CEP128: variants seen among roughly 807,000 people sequenced by gnomAD.
CEP128 encodes the protein centrosomal protein 128kDa.
In CEP128, 132 loss-of-function variants were observed where a neutral mutation model predicts 156.7. The observed-to-expected ratio is 0.84, with a 90% CI of 0.73 to 0.97. CEP128 has a LOEUF of 0.97. CEP128 is among the 50% of genes least tolerant of loss of function. The probability of loss-of-function intolerance (pLI) is 0.00; values close to 1 mark genes in which losing one functional copy is unlikely to be tolerated. For synonymous variants in CEP128, 469 were observed against 448.9 expected (o/e 1.04, Z -0.57); for missense variants, 1,252 against 1,281.9 (o/e 0.98, Z 0.36).
intron 19 of CEP128, among the ~76,000 whole-genome samples, chr14:80,689,290 CAAAAAAAAAAAAAAA>C (rs57054840): frequency 7.2e-5 from 7 of 96,646 alleles, no homozygotes; most frequent in South Asian, 4.1e-4. Flanking sequence ...GACTCCGTCT[CAAAAAAAAAAAAAAA>C]AAAAAAAAAG....
At chr14:80,584,081 A>G (rs1891702459) in intron 19 of CEP128, among the ~76,000 whole-genome samples, 3 of 150,358 alleles carry the variant, frequency 2.0e-5, no homozygotes, top group Admixed American at 1.3e-4. Context: ...AATAAAATAC[A>G]CACTTGTCTG....
At chr14:80,864,257 G>A (rs529348553) in intron 8 of CEP128, among the ~76,000 whole-genome samples, 76 of 152,288 alleles carry the variant, frequency 5.0e-4, no homozygotes, top group Non-Finnish European at 1.0e-3. Flanking sequence ...TATTAGTAGT[G>A]AAGTTCTGGG....
At chr14:80,833,053 G>T (rs145915983) in intron 12 of CEP128, among the ~76,000 whole-genome samples, 2 of 152,240 alleles carry the variant, frequency 1.3e-5, no homozygotes, top group African/African-American at 4.8e-5. Flanking sequence ...ACAGGTGGCA[G>T]TCTGGATTTG....
At chr14:80,713,510 C>T (rs555277577) in intron 19 of CEP128, among the ~76,000 whole-genome samples, 1 of 151,992 alleles carries the variant, frequency 6.6e-6, no homozygotes, top group African/African-American at 2.4e-5. Flanking sequence ...AGTTCCCTGA[C>T]CCATCCAAGC....
chr14:80,904,222 T>TA (rs1883748652), intron 6 of CEP128, among the ~76,000 whole-genome samples: 1 of 152,066 alleles, frequency 6.6e-6, no homozygotes, highest in Admixed American at 6.5e-5. Context: ...TTATGTTAAG[T>TA]AAAAAAGGCC....
intron 8 of CEP128, among the ~76,000 whole-genome samples, chr14:80,893,202 T>A (rs755998314): frequency 3.7e-4 from 56 of 152,018 alleles, no homozygotes; most frequent in Non-Finnish European, 1.6e-4. Context: ...GAGGACATTA[T>A]GCTAAGTGAA....
chr14:80,956,005 T>C (rs1886657556), intron 2 of CEP128: 1 of 885,086 alleles, frequency 1.1e-6, no homozygotes, highest in South Asian at 1.5e-5. Flanking sequence ...TGTGTGTGTG[T>C]GCTAAAAACT....
At chr14:80,815,857 T>G (rs1355789890) in intron 13 of CEP128, among the ~76,000 whole-genome samples, 1 of 152,254 alleles carries the variant, frequency 6.6e-6, no homozygotes, top group Non-Finnish European at 1.5e-5. Flanking sequence ...TGTTCTCATT[T>G]ATACGTGGAA....
At chr14:80,574,542 T>C (rs578140584) in intron 20 of CEP128, among the ~76,000 whole-genome samples, 15 of 152,190 alleles carry the variant, frequency 9.9e-5, no homozygotes, top group Non-Finnish European at 2.2e-4. Context: ...GGGTAATTTA[T>C]TTGCTAATGA....
chr14:80,747,111 G>T (rs1303023534), intron 18 of CEP128, among the ~76,000 whole-genome samples: 1 of 151,800 alleles, frequency 6.6e-6, no homozygotes, highest in Non-Finnish European at 1.5e-5. Flanking sequence ...GGAGAAACTG[G>T]AAGTCTGACA....
rs181368509 is a variant in CEP128 at position 80,953,311 on chromosome 14, C to T, written c.-172+4867G>A. Among the ~76,000 whole-genome samples, 9 of 152,332 alleles carry T rather than the reference C, an allele frequency of 5.9e-5. No individual in the cohort carries two copies. The East Asian group carries it at 1.7e-3, about 29-fold the overall frequency. ...TAAAAAGATGATAAACACGGCCGGGCACGGTGGTGCATGCCTGTAATCCCA... is the reference window on the plus strand; with the variant it reads ...TAAAAAGATGATAAACACGGCCGGGTACGGTGGTGCATGCCTGTAATCCCA... On this transcript the variant is annotated intron_variant, in intron 2 of 7. Coordinates refer to the CEP128 transcript ENST00000555529.
chr14:80,760,124 T>C (rs12587646), intron 17 of CEP128, among the ~76,000 whole-genome samples: 2 of 151,644 alleles, frequency 1.3e-5, no homozygotes, highest in East Asian at 1.9e-4. Flanking sequence ...ATATGACAAG[T>C]CTTAAATTTA....
intron 14 of CEP128, among the ~76,000 whole-genome samples, chr14:80,484,220 T>G (rs1338231443): frequency 2.0e-5 from 3 of 152,228 alleles, no homozygotes; most frequent in Non-Finnish European, 2.9e-5. Context: ...TCAAGCAATC[T>G]GCCTGCCTCG....
chr14:80,784,377 AC>A (rs1901285669), intron 15 of CEP128, among the ~76,000 whole-genome samples: 1 of 152,116 alleles, frequency 6.6e-6, no homozygotes, highest in Admixed American at 6.6e-5. Flanking sequence ...AATGCTAACA[AC>A]ATTAGACCTT....
chr14:80,948,073 T>C (rs1886384092), intron 2 of CEP128, among the ~76,000 whole-genome samples: 1 of 109,726 alleles, frequency 9.1e-6, no homozygotes, highest in Middle Eastern at 4.8e-3. Context: ...TATAGGTAAG[T>C]AAAAGGGAAA....
chr14:80,690,997 A>G (rs2139307551), intron 19 of CEP128, among the ~76,000 whole-genome samples: 1 of 152,290 alleles, frequency 6.6e-6, no homozygotes. Flanking sequence ...TGTTTTTCCT[A>G]TTCCTCCATC....
chr14:80,602,139 A>G (rs1892605507), intron 19 of CEP128, among the ~76,000 whole-genome samples: 1 of 152,206 alleles, frequency 6.6e-6, no homozygotes, highest in Non-Finnish European at 1.5e-5. Flanking sequence ...AATCAAGACT[A>G]TATAACAATT....
chr14:80,822,302 T>G (rs894146812), intron 13 of CEP128, among the ~76,000 whole-genome samples: 1 of 152,092 alleles, frequency 6.6e-6, no homozygotes, highest in South Asian at 2.1e-4. Context: ...CTAGATACAA[T>G]GGGGGTACAG....
chr14:80,785,448 C>T lies in CEP128; in HGVS notation c.1658G>A (p.Arg553His), dbSNP rs147770238. 294 of 1,613,964 alleles carry T rather than the reference C, an allele frequency of 1.8e-4. No homozygotes were observed. The highest frequency in any genetic ancestry group is 2.3e-4 in the Non-Finnish European group (272 of 1,179,902). Residue 553 changes from arginine to histidine, a missense_variant, in exon 15 of 25, where the codon CGT becomes CAT. By Grantham distance (29) the Arg-to-His change is conservative (BLOSUM62 0). Coordinates refer to ENST00000555265, the MANE Select transcript of CEP128 (RefSeq NM_152446.5). ...RKELNDVLTK[R>H]ALQEEELHSK... ...GTGAAGCTCCTCCTCCTGAAGGGCA[C>T]GCTTTGTTAGGACATCATTCAATTC...
Sources: gnomAD v4.1 joint callset for allele counts (sites outside exome capture counted in the v4.1 genomes callset) on GRCh38, gnomAD v4.1.1 for gene constraint, MANE v1.5 for transcripts, NCBI Gene and HGNC (gene_info 2026-07-23, HGNC 2026-07-21) for gene names.